Variants in ADORA2B observed in about 807,000 individuals in gnomAD.
ADORA2B encodes adenosine A2b receptor, also known as adenosine receptor A2b.
Under a neutral mutation model 20.8 loss-of-function variants are expected in ADORA2B, and 18 were observed. The ratio of observed to expected loss-of-function variants is 0.87; its 90% CI spans 0.60 to 1.29. ADORA2B has a LOEUF of 1.29. Among genes scored for constraint, ADORA2B ranks in the 50% most tolerant of loss-of-function variants. ADORA2B has a pLI of 0.00. For synonymous variants in ADORA2B, 179 were observed against 178.3 expected, an observed-to-expected ratio of 1.00 and a Z score of -0.03; for missense variants, 441 against 422.7, an observed-to-expected ratio of 1.04 and a Z score of -0.38.
At chr17:15,936,206 A>G in the ADORA2B span, among the ~76,000 whole-genome samples, 1 of 151,940 alleles carries the variant, frequency 6.6e-6, no homozygotes, top group South Asian at 2.1e-4. Context: ...TTTCAACTCC[A>G]GAATATCTAT....
At chr17:15,923,206 A>ATTCTTTT in the ADORA2B span, among the ~76,000 whole-genome samples, 3,983 of 113,318 alleles carry the variant, frequency 0.035, 292 homozygotes, top group African/African-American at 0.14. Context: ...TCTTTTTTTA[A>ATTCTTTT]TTTTTTTTTT....
the ADORA2B span, among the ~76,000 whole-genome samples, chr17:15,853,458 A>G: frequency 3.3e-5 from 5 of 152,386 alleles, no homozygotes; most frequent in East Asian, 9.6e-4. Context: ...AATTAGCTAT[A>G]TCAGGAATTT....
At chr17:15,868,836 T>G in the ADORA2B span, among the ~76,000 whole-genome samples, 1 of 151,028 alleles carries the variant, frequency 6.6e-6, no homozygotes, top group Non-Finnish European at 1.5e-5. Flanking sequence ...GGGTATGTTT[T>G]GTGGTGTGTG....
chr17:15,926,471 A>C, the ADORA2B span, among the ~76,000 whole-genome samples: 1 of 152,032 alleles, frequency 6.6e-6, no homozygotes, highest in South Asian at 2.1e-4. Flanking sequence ...TGCGGGGGGA[A>C]CCATGTGACA....
At chr17:15,908,947 A>T in the ADORA2B span, among the ~76,000 whole-genome samples, 3 of 152,094 alleles carry the variant, frequency 2.0e-5, no homozygotes, top group African/African-American at 7.3e-5. Context: ...TGAACACATC[A>T]TCTGCACAGA....
At chr17:15,873,683 C>G in the ADORA2B span, among the ~76,000 whole-genome samples, 1 of 151,972 alleles carries the variant, frequency 6.6e-6, no homozygotes, top group Non-Finnish European at 1.5e-5. Flanking sequence ...CAAAATAAAA[C>G]CACAATGAGA....
the ADORA2B span, among the ~76,000 whole-genome samples, chr17:15,864,316 T>C: frequency 6.6e-6 from 1 of 152,172 alleles, no homozygotes; most frequent in African/African-American, 2.4e-5. Context: ...GGAAGCCAGT[T>C]TGCACTCCCA....
the ADORA2B span, among the ~76,000 whole-genome samples, chr17:15,919,509 G>C: frequency 6.6e-6 from 1 of 152,220 alleles, no homozygotes; most frequent in Non-Finnish European, 1.5e-5. Flanking sequence ...CTCCAGCTAT[G>C]GGTGTCATTT....
chr17:15,869,605 A>T, the ADORA2B span, among the ~76,000 whole-genome samples: 14 of 152,064 alleles, frequency 9.2e-5, no homozygotes, highest in African/African-American at 3.1e-4. Flanking sequence ...GAGAAATAAA[A>T]CCCATGAGGA....
the ADORA2B span, among the ~76,000 whole-genome samples, chr17:15,924,614 C>T: frequency 6.6e-6 from 1 of 151,958 alleles, no homozygotes; most frequent in Admixed American, 6.6e-5. Flanking sequence ...GTGGTGGATG[C>T]CTGTAGTCCC....
At chr17:15,888,822 A>ATG in the ADORA2B span, among the ~76,000 whole-genome samples, 2 of 11,302 alleles carry the variant, frequency 1.8e-4, 1 homozygote, top group African/African-American at 1.5e-3. Context: ...TGCCATATAT[A>ATG]TATATATATA....
the ADORA2B span, among the ~76,000 whole-genome samples, chr17:15,851,961 C>G: frequency 6.6e-6 from 1 of 152,168 alleles, no homozygotes; most frequent in Non-Finnish European, 1.5e-5. Flanking sequence ...AGTAAATGAA[C>G]AATAATAACT....
chr17:15,921,061 C>T, the ADORA2B span, among the ~76,000 whole-genome samples: 1 of 152,350 alleles, frequency 6.6e-6, no homozygotes, highest in Non-Finnish European at 1.5e-5. Context: ...CCGATCATTC[C>T]AGGATGAGTC....
At chr17:15,937,634 G>C in the ADORA2B span, among the ~76,000 whole-genome samples, 1 of 150,990 alleles carries the variant, frequency 6.6e-6, no homozygotes, top group South Asian at 2.1e-4. Context: ...GTGCAATGGC[G>C]CCATCTTGGC....
At chr17:15,891,222 C>T in the ADORA2B span, among the ~76,000 whole-genome samples, 1 of 152,210 alleles carries the variant, frequency 6.6e-6, no homozygotes, top group East Asian at 1.9e-4. Flanking sequence ...GCTGAGATTG[C>T]ACCACCTGCA....
chr17:15,860,495 C>G, the ADORA2B span, among the ~76,000 whole-genome samples: 8 of 152,094 alleles, frequency 5.3e-5, no homozygotes, highest in African/African-American at 9.7e-5. Flanking sequence ...TGATGTCTGT[C>G]AATTAAAACA....
chr17:15,934,553 C>T, the ADORA2B span, among the ~76,000 whole-genome samples: 1 of 152,070 alleles, frequency 6.6e-6, no homozygotes, highest in South Asian at 2.1e-4. Flanking sequence ...TTTTGTTCCT[C>T]TATTTCTCCA....
At chr17:15,860,639 C>T in the ADORA2B span, among the ~76,000 whole-genome samples, 132 of 152,230 alleles carry the variant, frequency 8.7e-4, 1 homozygote, top group Middle Eastern at 3.4e-3. Context: ...CATATAGATC[C>T]TATAAAGGAA....
At chr17:15,885,313 C>T in the ADORA2B span, among the ~76,000 whole-genome samples, 7 of 152,132 alleles carry the variant, frequency 4.6e-5, no homozygotes, top group African/African-American at 1.7e-4. Context: ...TAAATAGCCA[C>T]GTGTGGCTGC....
Sources: gnomAD v4.1 joint callset for allele counts (sites outside exome capture counted in the v4.1 genomes callset) on GRCh38, gnomAD v4.1.1 for gene constraint, MANE v1.5 for transcripts, NCBI Gene and HGNC (gene_info 2026-07-23, HGNC 2026-07-21) for gene names.